EYS: variants seen among roughly 807,000 people sequenced by gnomAD.
The protein encoded by EYS is protein eyes shut homolog.
A neutral mutation model predicts 282.1 loss-of-function variants in EYS; 250 were observed. That is an observed-to-expected ratio of 0.89 (90% CI 0.80 to 0.98). The LOEUF is 0.98. Among genes scored for constraint, EYS ranks in the 50% least tolerant of loss-of-function variants. The pLI, the probability that EYS is intolerant of heterozygous loss-of-function variation, is 0.00. For missense variants in EYS, 4,016 were observed against 3,709.0 expected, an observed-to-expected ratio of 1.08 and a Z score of -2.15; for synonymous variants, 1,355 against 1,282.9, an observed-to-expected ratio of 1.06 and a Z score of -1.20.
At chr6:64,048,457 C>G (rs1049528138) in intron 33 of EYS, among the ~76,000 whole-genome samples, 1 of 152,034 alleles carries the variant, frequency 6.6e-6, no homozygotes, top group Non-Finnish European at 1.5e-5. Flanking sequence ...TTGTCATAGT[C>G]ATCCGTGCTG....
chr6:65,575,170 A>C (rs546177478), intron 2 of EYS, among the ~76,000 whole-genome samples: 1 of 151,548 alleles, frequency 6.6e-6, no homozygotes, highest in South Asian at 2.1e-4. Context: ...AAAATACAAA[A>C]TTTTTTTGTA....
intron 13 of EYS, among the ~76,000 whole-genome samples, chr6:65,051,619 T>A (rs932345194): frequency 4.0e-5 from 6 of 151,678 alleles, no homozygotes; most frequent in Non-Finnish European, 8.9e-5. Context: ...ACTATAGTCA[T>A]CATGTTGTAC....
chr6:64,010,396 G>T (rs1201611750), intron 33 of EYS, among the ~76,000 whole-genome samples: 4 of 150,666 alleles, frequency 2.7e-5, no homozygotes, highest in Admixed American at 1.3e-4. Flanking sequence ...GTTTGGTTGG[G>T]GGGGGGGGTG....
rs144540808 is a variant in EYS at position 63,904,331 on chromosome 6, CT to C, written c.7056-39974del. Among the ~76,000 whole-genome samples the C allele has an allele frequency of 3.6e-4, 54 of 151,662 alleles. No homozygotes were observed. In the East Asian group the frequency reaches 9.3e-3, roughly 26 times the overall value. On this transcript the variant is annotated intron_variant, in intron 35 of 42. Transcript: ENST00000503581. Reference sequence around the variant, plus strand: ...ACATTCTTACTTTGACTTACCCAACCTTTTTTTTTCTATCTTCACACTATAG... The same window carrying C: ...ACATTCTTACTTTGACTTACCCAACCTTTTTTTTCTATCTTCACACTATAG...
chr6:64,691,643 C>T (rs892965402), intron 22 of EYS, among the ~76,000 whole-genome samples: 1 of 151,906 alleles, frequency 6.6e-6, no homozygotes, highest in Non-Finnish European at 1.5e-5. Context: ...TTTTTTTAGC[C>T]CTCCCACCTT....
chr6:64,783,884 A>C (rs1773937545), intron 22 of EYS, among the ~76,000 whole-genome samples: 1 of 152,160 alleles, frequency 6.6e-6, no homozygotes, highest in Admixed American at 6.5e-5. Flanking sequence ...TAGTTCAGTC[A>C]ATGATTCTCA....
At chr6:64,690,834 T>G (rs529467453) in intron 22 of EYS, among the ~76,000 whole-genome samples, 70 of 148,724 alleles carry the variant, frequency 4.7e-4, no homozygotes, top group East Asian at 4.6e-3. Flanking sequence ...TGTCCTGGGG[T>G]GGGGGGAGCG....
Position 64,317,234 on chromosome 6 carries a change from G to T in EYS, c.6079-10152C>A, listed in dbSNP as rs541893645. Among the ~76,000 whole-genome samples the T allele has an allele frequency of 1.7e-4, 26 of 151,584 alleles. No individual in the cohort carries two copies. The East Asian group carries it at 3.7e-3, about 21-fold the overall frequency. ...AATGACATCTAATTAAAGAGCTTCTGCACAGAAAAAGAAACTATCATCAGA... is the reference window on the plus strand; with the variant it reads ...AATGACATCTAATTAAAGAGCTTCTTCACAGAAAAAGAAACTATCATCAGA... On this transcript the variant is annotated intron_variant, in intron 29 of 42. Coordinates refer to ENST00000503581, the MANE Select transcript of EYS (RefSeq NM_001142800.2).
intron 2 of EYS, among the ~76,000 whole-genome samples, chr6:65,616,722 G>A (rs1174033417): frequency 1.3e-5 from 2 of 151,506 alleles, no homozygotes; most frequent in Non-Finnish European, 2.9e-5. Context: ...GGAGGTCAAG[G>A]TTGCAGTGAG....
intron 22 of EYS, among the ~76,000 whole-genome samples, chr6:64,756,155 T>C (rs1772929789): frequency 6.6e-6 from 1 of 152,212 alleles, no homozygotes; most frequent in South Asian, 2.1e-4. Context: ...ACATTCCATA[T>C]TTGTTATTTT....
chr6:65,540,670 G>T (rs1234252867), intron 2 of EYS, among the ~76,000 whole-genome samples: 2 of 152,152 alleles, frequency 1.3e-5, no homozygotes, highest in Non-Finnish European at 2.9e-5. Flanking sequence ...TGTAATCCCA[G>T]CACTTTGGGA....
chr6:63,722,575 C>A (rs1436437558), intron 42 of EYS, among the ~76,000 whole-genome samples: 1 of 152,194 alleles, frequency 6.6e-6, no homozygotes, highest in South Asian at 2.1e-4. Context: ...AAAGCATGTT[C>A]TTCACTGTAA....
chr6:63,871,448 G>C (rs1393991206), intron 35 of EYS, among the ~76,000 whole-genome samples: 1 of 152,014 alleles, frequency 6.6e-6, no homozygotes, highest in African/African-American at 2.4e-5. Flanking sequence ...ATCACTTGAG[G>C]TCAGGAGTTC....
At chr6:64,368,758 T>C (rs1388889067) in intron 29 of EYS, among the ~76,000 whole-genome samples, 2 of 152,182 alleles carry the variant, frequency 1.3e-5, no homozygotes, top group Non-Finnish European at 2.9e-5. Flanking sequence ...ATGGGGTTGT[T>C]TTTGCTTGTA....
intron 2 of EYS, among the ~76,000 whole-genome samples, chr6:65,583,644 A>T (rs1764942373): frequency 6.6e-6 from 1 of 152,102 alleles, no homozygotes; most frequent in African/African-American, 2.4e-5. Context: ...CTGCTAACAA[A>T]TCAGCAACTA....
At chr6:64,304,636 T>C (rs968176361) in intron 30 of EYS, among the ~76,000 whole-genome samples, 1 of 142,466 alleles carries the variant, frequency 7.0e-6, no homozygotes, top group African/African-American at 2.7e-5. Flanking sequence ...ACAAATTAAA[T>C]CTCAATAGAT....
At chr6:65,378,622 T>C (rs1292309127) in intron 8 of EYS, among the ~76,000 whole-genome samples, 1 of 152,058 alleles carries the variant, frequency 6.6e-6, no homozygotes, top group Non-Finnish European at 1.5e-5. Flanking sequence ...TAGCAAAGAC[T>C]TGGAACCAAC....
Position 64,591,855 on chromosome 6 carries a change from T to C in EYS, c.4012A>G (p.Ser1338Gly), listed in dbSNP as rs2149832520. Residue 1338 changes from serine to glycine, a missense_variant, in exon 26 of 43, where the codon AGT becomes GGT. Ser to Gly is a moderately conservative substitution (Grantham distance 56). Transcript: ENST00000503581. ...GAAACATCTGCGGAAGAAAGAAGAC[T>C]GTGTTTTGCTGAAAGCTCTCTAGTG... ...IVTRELSAKHSLLSSADVSSS... is the reference protein window; with the variant it reads ...IVTRELSAKHGLLSSADVSSS... The C allele has an allele frequency of 1.9e-6, 3 of 1,551,226 alleles. No homozygotes were observed. The highest frequency in any genetic ancestry group is 4.9e-5 in the East Asian group (2 of 40,900).
At chr6:63,831,249 C>A (rs1336497901) in intron 36 of EYS, among the ~76,000 whole-genome samples, 1 of 152,204 alleles carries the variant, frequency 6.6e-6, no homozygotes, top group East Asian at 1.9e-4. Flanking sequence ...GCTAAATGCC[C>A]CAATTAAAAG....
Sources: allele counts gnomAD v4.1 joint callset (sites outside exome capture counted in the v4.1 genomes callset), GRCh38; gene constraint gnomAD v4.1.1; transcripts MANE v1.5; gene names NCBI Gene and HGNC (gene_info 2026-07-23, HGNC 2026-07-21).